The following ERBB4 variants were observed in gnomAD, a reference collection of about 807,000 sequenced individuals.
The protein encoded by ERBB4 is erb-b2 receptor tyrosine kinase 4.
ERBB4 carries 42 observed loss-of-function variants against 158.0 expected under a neutral mutation model. That is an observed-to-expected ratio of 0.27 (90% CI 0.21 to 0.34). The LOEUF (loss-of-function observed/expected upper bound fraction) is 0.34. ERBB4 is among the 10% of genes least tolerant of loss of function. ERBB4 has a pLI of 1.00. For missense variants in ERBB4, 1,333 were observed against 1,624.1 expected (o/e 0.82, Z 3.08); for synonymous variants, 583 against 558.7 (o/e 1.04, Z -0.61).
At chr2:212,171,465 A>C (rs12621602) in intron 1 of ERBB4, among the ~76,000 whole-genome samples, 15,098 of 152,010 alleles carry the variant, frequency 0.099, 962 homozygotes, top group South Asian at 0.27. Flanking sequence ...TTGGTTCTGA[A>C]ATGTAAAACG....
intron 1 of ERBB4, among the ~76,000 whole-genome samples, chr2:212,478,492 A>AG (rs113963268): frequency 0.073 from 11,173 of 152,160 alleles, 1,042 homozygotes; most frequent in African/African-American, 0.22. Flanking sequence ...GAGCGAGAGT[A>AG]TTCAGTGATA....
At chr2:212,184,803 T>C (rs1485489303) in intron 1 of ERBB4, among the ~76,000 whole-genome samples, 1 of 152,132 alleles carries the variant, frequency 6.6e-6, no homozygotes, top group Non-Finnish European at 1.5e-5. Flanking sequence ...AATCAGTTCA[T>C]TTGGCTTTCT....
chr2:211,481,314 T>C (rs186015517), intron 20 of ERBB4, among the ~76,000 whole-genome samples: 1 of 152,312 alleles, frequency 6.6e-6, no homozygotes, highest in East Asian at 1.9e-4. Flanking sequence ...TTCTAAGAGA[T>C]TGATACTATC....
At chr2:211,938,958 A>G (rs1433269035) in intron 3 of ERBB4, among the ~76,000 whole-genome samples, 1 of 152,192 alleles carries the variant, frequency 6.6e-6, no homozygotes, top group South Asian at 2.1e-4. Context: ...TTGATTTTTA[A>G]AAAGCCATAG....
rs552360686 is a variant in ERBB4 at position 211,643,320 on chromosome 2, G to T, written c.1947-12726C>A. Among the ~76,000 whole-genome samples the T allele has an allele frequency of 9.2e-4, 140 of 152,186 alleles. 1 individual carries two copies. The highest frequency in any genetic ancestry group is 3.4e-3 in the African/African-American group (140 of 41,538). ...CTAATGCTTAGAGCTGTGGCACTCA[G>T]TGTACTATCAAAACAGAAAGATAAT... On this transcript the variant is annotated intron_variant, in intron 16 of 27. Coordinates refer to ENST00000342788, the MANE Select transcript of ERBB4 (RefSeq NM_005235.3).
chr2:212,432,285 T>C (rs1238135142), intron 1 of ERBB4, among the ~76,000 whole-genome samples: 1 of 152,182 alleles, frequency 6.6e-6, no homozygotes, highest in African/African-American at 2.4e-5. Context: ...AGACAATAAT[T>C]GTAAATGCCT....
At chr2:212,284,996 C>G (rs1033238569) in intron 1 of ERBB4, among the ~76,000 whole-genome samples, 6 of 152,062 alleles carry the variant, frequency 3.9e-5, no homozygotes, top group African/African-American at 9.7e-5. Flanking sequence ...CAGAGACAGA[C>G]AGGTTTCTCT....
intron 5 of ERBB4, among the ~76,000 whole-genome samples, chr2:211,740,447 C>A (rs1419780191): frequency 2.0e-5 from 3 of 151,710 alleles, no homozygotes; most frequent in Non-Finnish European, 2.9e-5. Flanking sequence ...CTTTACATGT[C>A]TGATATTTAG....
intron 9 of ERBB4, among the ~76,000 whole-genome samples, chr2:211,707,012 C>T (rs761446937): frequency 1.4e-4 from 21 of 152,096 alleles, no homozygotes; most frequent in Non-Finnish European, 2.6e-4. Flanking sequence ...CTCTGCAGTA[C>T]AAGAATAAGC....
chr2:211,511,296 G>A lies in ERBB4; in HGVS notation c.2487+50607C>T, dbSNP rs1034338765. Among the ~76,000 whole-genome samples, 3 of 151,866 alleles carry A rather than the reference G, an allele frequency of 2.0e-5. No homozygotes were observed. The South Asian group carries it at 6.2e-4, about 31-fold the overall frequency. ...TATAGGACCTTGAAAAATATGTTAAGCTAATTATAGGTAATGTGATTTGAC... is the reference window on the plus strand; with the variant it reads ...TATAGGACCTTGAAAAATATGTTAAACTAATTATAGGTAATGTGATTTGAC... On this transcript the variant is annotated intron_variant, in intron 20 of 27. Coordinates refer to ENST00000342788, the MANE Select transcript of ERBB4 (RefSeq NM_005235.3).
At chr2:211,673,913 C>A (rs1044471196) in intron 13 of ERBB4, among the ~76,000 whole-genome samples, 4 of 152,004 alleles carry the variant, frequency 2.6e-5, no homozygotes, top group Admixed American at 2.6e-4. Flanking sequence ...TATAGGTATA[C>A]AATAAAAGAC....
chr2:211,611,181 A>C (rs896811533), intron 19 of ERBB4, among the ~76,000 whole-genome samples: 3 of 152,128 alleles, frequency 2.0e-5, no homozygotes, highest in African/African-American at 4.8e-5. Context: ...AATGAGCCAC[A>C]GCTGCAAGCT....
chr2:211,400,300 A>G (rs1012437118), intron 25 of ERBB4, among the ~76,000 whole-genome samples: 3 of 152,046 alleles, frequency 2.0e-5, no homozygotes, highest in African/African-American at 7.2e-5. Flanking sequence ...TAAATGTGCA[A>G]CAGGCTTTTT....
chr2:211,980,416 T>C (rs956004945), intron 2 of ERBB4, among the ~76,000 whole-genome samples: 10 of 152,194 alleles, frequency 6.6e-5, no homozygotes, highest in Non-Finnish European at 1.3e-4. Flanking sequence ...ATACTCTGAA[T>C]GAATCTTTTC....
chr2:212,516,298 T>C (rs1261339769), intron 1 of ERBB4, among the ~76,000 whole-genome samples: 1 of 152,036 alleles, frequency 6.6e-6, no homozygotes, highest in Non-Finnish European at 1.5e-5. Context: ...TTCTGAAATA[T>C]ATTATTTTAA....
intron 3 of ERBB4, among the ~76,000 whole-genome samples, chr2:211,920,782 C>T (rs2079838491): frequency 6.6e-6 from 1 of 150,428 alleles, no homozygotes; most frequent in Admixed American, 6.6e-5. Flanking sequence ...TTTTATATGC[C>T]TGCAGAATTA....
intron 6 of ERBB4, among the ~76,000 whole-genome samples, chr2:211,723,866 T>A (rs918798570): frequency 5.3e-5 from 8 of 152,190 alleles, no homozygotes; most frequent in African/African-American, 1.9e-4. Context: ...CTGGCATTCT[T>A]GAACATTCTG....
intron 3 of ERBB4, among the ~76,000 whole-genome samples, chr2:211,832,600 G>T (rs535080721): frequency 6.7e-6 from 1 of 149,988 alleles, no homozygotes; most frequent in South Asian, 2.1e-4. Flanking sequence ...ACACATAAAC[G>T]TGTGTGTGTA....
chr2:212,388,806 C>T (rs2090761997), intron 1 of ERBB4, among the ~76,000 whole-genome samples: 1 of 152,054 alleles, frequency 6.6e-6, no homozygotes, highest in South Asian at 2.1e-4. Flanking sequence ...TCTTGAGAGC[C>T]TTGACTTACT....
Sources: allele counts gnomAD v4.1 joint callset (sites outside exome capture counted in the v4.1 genomes callset), GRCh38; gene constraint gnomAD v4.1.1; transcripts MANE v1.5; gene names NCBI Gene and HGNC (gene_info 2026-07-23, HGNC 2026-07-21).